The following RSRC1 variants were observed in gnomAD, a reference collection of about 807,000 sequenced individuals.
RSRC1 encodes the protein arginine and serine rich coiled-coil 1.
In RSRC1, 39 loss-of-function variants were observed where a neutral mutation model predicts 49.1. The ratio of observed to expected loss-of-function variants is 0.79; its 90% CI spans 0.61 to 1.04. The LOEUF is 1.04. Ranked by LOEUF, RSRC1 falls within the 50% of genes least tolerant of loss-of-function variation. The pLI is 0.00. For synonymous variants in RSRC1, 143 were observed against 130.8 expected (o/e 1.09, Z -0.63); for missense variants, 388 against 402.4 (o/e 0.96, Z 0.31).
chr3:158,280,382 G>A (rs992156880), intron 4 of RSRC1, among the ~76,000 whole-genome samples: 1 of 151,942 alleles, frequency 6.6e-6, no homozygotes, highest in African/African-American at 2.4e-5. Context: ...TAAACTATTA[G>A]TAACTAATGA....
intron 4 of RSRC1, among the ~76,000 whole-genome samples, chr3:158,284,774 T>C (rs1726410619): frequency 6.6e-6 from 1 of 151,868 alleles, no homozygotes; most frequent in Admixed American, 6.6e-5. Flanking sequence ...TTTGAGTTCA[T>C]TGTAGATTCT....
At chr3:158,249,115 T>TTTGTGTAGTGTG (rs1724067864) in intron 4 of RSRC1, among the ~76,000 whole-genome samples, 1 of 152,182 alleles carries the variant, frequency 6.6e-6, no homozygotes, top group Non-Finnish European at 1.5e-5. Context: ...TAGTCAATAT[T>TTTGTGTAGTGTG]TCTCCTATTT....
At chr3:158,118,411 T>TTGTGTGTGTG (rs1714993253) in intron 1 of RSRC1, among the ~76,000 whole-genome samples, 2 of 78,178 alleles carry the variant, frequency 2.6e-5, no homozygotes, top group Admixed American at 1.3e-4. Context: ...GTACCTGGCC[T>TTGTGTGTGTG]TCTGTGTGTG....
At chr3:158,455,565 A>G (rs1332824393) in intron 6 of RSRC1, among the ~76,000 whole-genome samples, 1 of 152,142 alleles carries the variant, frequency 6.6e-6, no homozygotes, top group African/African-American at 2.4e-5. Flanking sequence ...ACTACCAGTG[A>G]CACATCCTGA....
intron 7 of RSRC1, among the ~76,000 whole-genome samples, chr3:158,497,926 A>T (rs972262082): frequency 1.3e-5 from 2 of 152,178 alleles, no homozygotes; most frequent in Admixed American, 1.3e-4. Flanking sequence ...GTGTGTGTAT[A>T]TATATACACA....
At chr3:158,503,593 C>G (rs531424029) in intron 7 of RSRC1, among the ~76,000 whole-genome samples, 1 of 152,188 alleles carries the variant, frequency 6.6e-6, no homozygotes, top group South Asian at 2.1e-4. Flanking sequence ...GTGAAGTTCC[C>G]AGGTCAATGA....
chr3:158,302,579 A>G (rs1348681298), intron 5 of RSRC1: 1 of 135,434 alleles, frequency 7.4e-6, no homozygotes, highest in Non-Finnish European at 1.6e-5. Context: ...TTTTTTTTTA[A>G]TGCTGCTCTA....
chr3:158,462,887 A>G (rs1032275459), intron 7 of RSRC1, among the ~76,000 whole-genome samples: 1 of 152,054 alleles, frequency 6.6e-6, no homozygotes, highest in Non-Finnish European at 1.5e-5. Context: ...TTGAAAAAGC[A>G]TATTCCTCCA....
chr3:158,437,867 G>A (rs1736137005), intron 6 of RSRC1, among the ~76,000 whole-genome samples: 1 of 152,116 alleles, frequency 6.6e-6, no homozygotes, highest in South Asian at 2.1e-4. Context: ...AGAAAAAGAG[G>A]AAGTCAAATT....
intron 7 of RSRC1, among the ~76,000 whole-genome samples, chr3:158,530,933 A>T (rs1411005294): frequency 1.1e-5 from 1 of 94,322 alleles, no homozygotes; most frequent in Non-Finnish European, 2.1e-5. Flanking sequence ...AAGAAACTTA[A>T]AAAAAAAAAA....
chr3:158,487,030 C>T (rs937176273), intron 7 of RSRC1, among the ~76,000 whole-genome samples: 7 of 152,120 alleles, frequency 4.6e-5, no homozygotes, highest in African/African-American at 1.7e-4. Context: ...TTTAAAATAT[C>T]TCGATTGCAA....
intron 4 of RSRC1, among the ~76,000 whole-genome samples, chr3:158,210,148 CT>C (rs1415682793): frequency 2.6e-5 from 4 of 152,030 alleles, no homozygotes; most frequent in East Asian, 1.9e-4. Context: ...TAATTTACCC[CT>C]ATTTGCATAT....
intron 3 of RSRC1, among the ~76,000 whole-genome samples, chr3:158,200,240 A>G (rs1425642499): frequency 6.6e-6 from 1 of 152,070 alleles, no homozygotes; most frequent in East Asian, 1.9e-4. Context: ...GGGTTTCACC[A>G]TGTTAGCCCG....
intron 4 of RSRC1, among the ~76,000 whole-genome samples, chr3:158,207,607 A>G (rs1283849244): frequency 7.4e-6 from 1 of 135,256 alleles, no homozygotes; most frequent in Non-Finnish European, 1.6e-5. Flanking sequence ...TTCACATGGG[A>G]AAACAACCTA....
chr3:158,279,239 G>A (rs1010923834), intron 4 of RSRC1, among the ~76,000 whole-genome samples: 2 of 152,182 alleles, frequency 1.3e-5, no homozygotes, highest in African/African-American at 4.8e-5. Flanking sequence ...AGTGCCATCC[G>A]TGATTTCTGT....
intron 4 of RSRC1, among the ~76,000 whole-genome samples, chr3:158,262,835 A>C (rs1724976800): frequency 6.6e-6 from 1 of 152,056 alleles, no homozygotes; most frequent in African/African-American, 2.4e-5. Flanking sequence ...TTTAATATCA[A>C]TTTCAGATTA....
chr3:158,285,654 A>G (rs1184779179), intron 4 of RSRC1, among the ~76,000 whole-genome samples: 1 of 152,086 alleles, frequency 6.6e-6, no homozygotes. Flanking sequence ...CTTTGAAGCA[A>G]TTGTGAATGG....
intron 4 of RSRC1, among the ~76,000 whole-genome samples, chr3:158,270,412 A>G (rs1019792494): frequency 1.3e-5 from 2 of 152,270 alleles, no homozygotes; most frequent in South Asian, 2.1e-4. Flanking sequence ...ACTGATTCAC[A>G]ATACTAAGCT....
chr3:158,317,467 T>G (rs1728526150), intron 5 of RSRC1, among the ~76,000 whole-genome samples: 1 of 151,994 alleles, frequency 6.6e-6, no homozygotes, highest in South Asian at 2.1e-4. Flanking sequence ...TGAGCTCAAG[T>G]GATCCACCCG....
Sources: gnomAD v4.1 joint callset for allele counts (sites outside exome capture counted in the v4.1 genomes callset) on GRCh38, gnomAD v4.1.1 for gene constraint, MANE v1.5 for transcripts, NCBI Gene and HGNC (gene_info 2026-07-23, HGNC 2026-07-21) for gene names.